The following ABCA9 variants were observed in gnomAD, a reference collection of about 807,000 sequenced individuals.
ABCA9 encodes the protein ATP binding cassette subfamily A member 9, also known as ATP-binding cassette sub-family A member 9.
Under a neutral mutation model 205.3 loss-of-function variants are expected in ABCA9, and 183 were observed. That is an observed-to-expected ratio of 0.89 (90% CI 0.79 to 1.01). The LOEUF (loss-of-function observed/expected upper bound fraction) is 1.01, where lower values mean the gene tolerates loss of function less well. Ranked by LOEUF, ABCA9 falls within the 50% of genes least tolerant of loss-of-function variation. The pLI is 0.00. For missense variants in ABCA9, 1,805 were observed against 1,912.4 expected, an observed-to-expected ratio of 0.94 and a Z score of 1.05; for synonymous variants, 651 against 683.3, an observed-to-expected ratio of 0.95 and a Z score of 0.74.
At chr17:69,077,159 C>T in the ABCA9 span, among the ~76,000 whole-genome samples, 1 of 152,062 alleles carries the variant, frequency 6.6e-6, no homozygotes, top group Non-Finnish European at 1.5e-5. Flanking sequence ...CTATAAACTT[C>T]CCTCTTACCA....
chr17:69,050,040 T>C (rs1567973649), intron 2 of ABCA9, among the ~76,000 whole-genome samples: 1 of 151,956 alleles, frequency 6.6e-6, no homozygotes, highest in Admixed American at 6.6e-5. Flanking sequence ...ACCTAGTTAA[T>C]TATTTAGTTA....
chr17:69,058,795 C>T (rs980439934), intron 1 of ABCA9, among the ~76,000 whole-genome samples: 16 of 151,010 alleles, frequency 1.1e-4, no homozygotes, highest in African/African-American at 1.7e-4. Context: ...GCCGAGATTC[C>T]GCCACTGCAC....
rs941709572 is a variant in ABCA9 at position 68,974,930 on chromosome 17, T to G, written c.*985A>C. Reference sequence around the variant, plus strand: ...CAGGTTTGTTACACAGGTATACATGTGCCATGGTACTTTGCTGCACCCATC... The same window carrying G: ...CAGGTTTGTTACACAGGTATACATGGGCCATGGTACTTTGCTGCACCCATC... On this transcript the variant is annotated 3_prime_UTR_variant, in exon 39 of 39. Transcript: ENST00000340001. The G allele has an allele frequency of 2.6e-5, 4 of 152,216 alleles. No individual in the cohort carries two copies. Among genetic ancestry groups the G allele is most frequent in the Non-Finnish European group, 5.9e-5 (4 of 68,046 alleles). The allele number at this position is 152,216 out of a possible 1,614,324, so 9.4% of individuals were successfully genotyped here.
chr17:69,064,092 A>C (rs1256866948), upstream of ABCA9, among the ~76,000 whole-genome samples: 2 of 152,218 alleles, frequency 1.3e-5, no homozygotes, highest in Non-Finnish European at 2.9e-5. Context: ...ATCTTCTACT[A>C]TCCATGGGCA....
chr17:69,020,264 CTTTG>C, intron 19 of ABCA9, 120 bp downstream of exon 19: 2 of 894,552 alleles, frequency 2.2e-6, no homozygotes, highest in Non-Finnish European at 3.3e-6. Flanking sequence ...AAAATGATTT[CTTTG>C]TTTAAAAGAC....
chr17:69,011,607 G>GGTGA (rs1197480433), intron 23 of ABCA9, among the ~76,000 whole-genome samples: 1 of 152,108 alleles, frequency 6.6e-6, no homozygotes, highest in South Asian at 2.1e-4. Flanking sequence ...AAAGTGCTGT[G>GGTGA]GTGAGTTGGT....
intron 6 of ABCA9, among the ~76,000 whole-genome samples, chr17:69,037,946 G>A (rs905430957): frequency 1.3e-5 from 2 of 152,048 alleles, no homozygotes; most frequent in African/African-American, 4.8e-5. Flanking sequence ...ACACCTCTAC[G>A]CAAATAAACT....
At chr17:69,001,114 C>T (rs2069849229) in intron 25 of ABCA9, among the ~76,000 whole-genome samples, 1 of 151,560 alleles carries the variant, frequency 6.6e-6, no homozygotes, top group South Asian at 2.1e-4. Flanking sequence ...CCTTTATTTC[C>T]TTCTCCTGCC....
intron 19 of ABCA9, among the ~76,000 whole-genome samples, chr17:69,018,955 T>C (rs1410170310): frequency 1.3e-5 from 2 of 152,148 alleles, no homozygotes; most frequent in African/African-American, 4.8e-5. Context: ...CTGAACTTTA[T>C]CCCATCCTGT....
At chr17:69,024,163 T>C in intron 17 of ABCA9, 51 bp downstream of exon 17, 3 of 1,589,664 alleles carry the variant, frequency 1.9e-6, no homozygotes, top group Non-Finnish European at 2.6e-6. Flanking sequence ...ACCACTGTTA[T>C]TGTTAATAAC....
chr17:69,041,770 A>AT (rs912198069), intron 6 of ABCA9, among the ~76,000 whole-genome samples: 1 of 84,844 alleles, frequency 1.2e-5, no homozygotes, highest in African/African-American at 3.7e-5. Context: ...TCTTGACCAA[A>AT]TTTTTTTAGT....
intron 37 of ABCA9, among the ~76,000 whole-genome samples, chr17:68,979,588 A>G (rs987993393): frequency 3.9e-5 from 6 of 152,166 alleles, no homozygotes; most frequent in African/African-American, 1.2e-4. Flanking sequence ...AAACAGAGAT[A>G]TAGATCAATG....
chr17:69,008,038 C>T (rs1354934281), intron 24 of ABCA9, 24 bp downstream of exon 24: 2 of 1,576,796 alleles, frequency 1.3e-6, no homozygotes, highest in East Asian at 2.2e-5. Context: ...CTAATAAAAC[C>T]ATTTCAAAAT....
chr17:68,984,040 T>G lies in ABCA9; in HGVS notation c.4499+16A>C. ...CACAACCTAGGGGCTGAGCGCCGGC[T>G]TGGACAGGCACTCACCTCAGCCTTC... On this transcript the variant is annotated intron_variant, in intron 35 of 38. Coordinates refer to ENST00000340001, the MANE Select transcript of ABCA9 (RefSeq NM_080283.4). 1.2e-6 allele frequency: 2 copies of G among 1,614,042 alleles called. No homozygotes were observed. Among genetic ancestry groups the G allele is most frequent in the Non-Finnish European group, 1.7e-6 (2 of 1,179,970 alleles).
chr17:69,073,194 G>A, the ABCA9 span, among the ~76,000 whole-genome samples: 1 of 152,122 alleles, frequency 6.6e-6, no homozygotes, highest in African/African-American at 2.4e-5. Context: ...AGATCAACAA[G>A]ACAGAAAATT....
Position 68,986,226 on chromosome 17 carries a change from G to A in ABCA9, c.4146C>T (p.His1382=). 6.2e-7 allele frequency: 1 copy of A among 1,613,898 alleles called. No homozygotes were observed. The highest frequency in any genetic ancestry group is 8.5e-7 in the Non-Finnish European group (1 of 1,179,898). ...ALWPNLTVRQ[H]LEVYAAVKGL... ...CTTTCACGGCAGCGTACACCTCCAG[G>A]TGCTGCCTCACTGTCAGGTTGGGCC... Residue 1382 remains histidine, a synonymous_variant, in exon 32 of 39, where the codon CAC becomes CAT. Transcript: ENST00000340001.
intron 2 of ABCA9, among the ~76,000 whole-genome samples, chr17:69,050,036 T>C (rs1416300254): frequency 1.3e-5 from 2 of 151,940 alleles, no homozygotes; most frequent in Non-Finnish European, 2.9e-5. Context: ...AAGAACCTAG[T>C]TAATTATTTA....
chr17:69,061,072 TG>T, upstream of ABCA9: 2 of 985,454 alleles, frequency 2.0e-6, no homozygotes, highest in Non-Finnish European at 2.4e-6. Flanking sequence ...TCTGCTCACG[TG>T]GTGATTTCTT....
At chr17:69,069,977 T>TTA in the ABCA9 span, among the ~76,000 whole-genome samples, 1 of 152,180 alleles carries the variant, frequency 6.6e-6, no homozygotes, top group Non-Finnish European at 1.5e-5. Context: ...TTGAAAGTGG[T>TTA]TATATATATT....
Sources: gnomAD v4.1 joint callset for allele counts (sites outside exome capture counted in the v4.1 genomes callset) on GRCh38, gnomAD v4.1.1 for gene constraint, MANE v1.5 for transcripts, NCBI Gene and HGNC (gene_info 2026-07-23, HGNC 2026-07-21) for gene names.